ANKS1B: variants seen among roughly 807,000 people sequenced by gnomAD.
ANKS1B encodes ankyrin repeat and sterile alpha motif domain-containing protein 1B.
Under a neutral mutation model 148.3 loss-of-function variants are expected in ANKS1B, and 36 were observed. That is an observed-to-expected ratio of 0.24 (90% CI 0.19 to 0.32). The LOEUF is 0.32. ANKS1B is among the 10% of genes least tolerant of loss of function. The pLI is 1.00. For missense variants in ANKS1B, 1,157 were observed against 1,542.6 expected (o/e 0.75, Z 4.19); for synonymous variants, 542 against 560.8 (o/e 0.97, Z 0.47).
At chr12:99,783,425 T>C (rs1309388024) in intron 4 of ANKS1B, among the ~76,000 whole-genome samples, 1 of 152,166 alleles carries the variant, frequency 6.6e-6, no homozygotes, top group African/African-American at 2.4e-5. Context: ...ATTTGAAGCA[T>C]ATCAAAAATG....
intron 8 of ANKS1B, among the ~76,000 whole-genome samples, chr12:99,690,297 C>A (rs1599761108): frequency 6.6e-6 from 1 of 152,064 alleles, no homozygotes; most frequent in Non-Finnish European, 1.5e-5. Context: ...TATCATTCCA[C>A]CCCTGGCCCC....
At chr12:99,238,471 G>C (rs2088504619) in intron 14 of ANKS1B, among the ~76,000 whole-genome samples, 1 of 152,202 alleles carries the variant, frequency 6.6e-6, no homozygotes, top group South Asian at 2.1e-4. Context: ...TCCACCTCTG[G>C]GGGAAGGGCA....
intron 11 of ANKS1B, among the ~76,000 whole-genome samples, chr12:99,405,624 AAGG>A (rs2094514015): frequency 6.9e-6 from 1 of 145,296 alleles, no homozygotes; most frequent in Non-Finnish European, 1.5e-5. Context: ...GGAAGGAGAG[AAGG>A]AGGAGATCAC....
intron 17 of ANKS1B, among the ~76,000 whole-genome samples, chr12:99,043,561 T>C (rs1196518829): frequency 6.6e-6 from 1 of 152,242 alleles, no homozygotes; most frequent in Non-Finnish European, 1.5e-5. Flanking sequence ...AGAATTTGTG[T>C]GCTTTCTGAG....
intron 9 of ANKS1B, among the ~76,000 whole-genome samples, chr12:99,641,944 T>C (rs2098312037): frequency 1.3e-5 from 2 of 152,176 alleles, no homozygotes; most frequent in Admixed American, 6.5e-5. Flanking sequence ...AAATAGTCCA[T>C]AGGGACTATG....
intron 12 of ANKS1B, among the ~76,000 whole-genome samples, chr12:99,250,428 A>G (rs1307411466): frequency 6.6e-6 from 1 of 152,252 alleles, no homozygotes; most frequent in East Asian, 1.9e-4. Context: ...AAGCATAAAA[A>G]TAAAAATACA....
intron 15 of ANKS1B, among the ~76,000 whole-genome samples, chr12:99,101,463 G>A (rs980362448): frequency 6.6e-6 from 1 of 152,222 alleles, no homozygotes; most frequent in Non-Finnish European, 1.5e-5. Flanking sequence ...GAAGACAAGT[G>A]TTAAGAATAA....
intron 9 of ANKS1B, among the ~76,000 whole-genome samples, chr12:99,653,174 C>T (rs79860803): frequency 0.019 from 2,849 of 151,974 alleles, 85 homozygotes; most frequent in East Asian, 0.066. Flanking sequence ...CAAGGTACTA[C>T]CAAGCCTAAA....
intron 14 of ANKS1B, among the ~76,000 whole-genome samples, chr12:99,200,282 G>T (rs2081920999): frequency 6.6e-6 from 1 of 152,150 alleles, no homozygotes; most frequent in African/African-American, 2.4e-5. Flanking sequence ...ATGATTTTGA[G>T]AAAACATTTC....
intron 8 of ANKS1B, among the ~76,000 whole-genome samples, chr12:99,709,606 A>G (rs1051019048): frequency 6.6e-5 from 10 of 152,102 alleles, no homozygotes; most frequent in African/African-American, 2.4e-4. Context: ...CTAGACCCAC[A>G]TTTTTTGAAA....
At position 99,105,544 on chromosome 12, in the gene ANKS1B, G is replaced by A. The variant is rs547501175; in HGVS notation, c.2527-20521C>T. 4.2e-5 allele frequency among the ~76,000 whole-genome samples: 6 copies of A among 143,634 alleles called. No homozygotes were observed. The East Asian group carries it at 1.1e-3, about 26-fold the overall frequency. The allele number at this position is 143,634 out of a possible 152,430, so 94.2% of individuals were successfully genotyped here. A position where few individuals can be genotyped will look rare whatever the true frequency, so the allele number is the denominator to read the frequency against. ...AATTTTTTGGGAGGCCGAGGCGGGC[G>A]GATCACAAGGTCAGGAGATTGAGAC... On this transcript the variant is annotated intron_variant, in intron 15 of 26. Coordinates refer to ENST00000683438, the MANE Select transcript of ANKS1B (RefSeq NM_001352186.2).
intron 14 of ANKS1B, among the ~76,000 whole-genome samples, chr12:99,168,172 C>T (rs922905302): frequency 3.9e-5 from 6 of 152,158 alleles, no homozygotes; most frequent in Non-Finnish European, 7.4e-5. Flanking sequence ...AAAGGGTACA[C>T]TTTAAATATA....
chr12:99,807,240 T>C lies in ANKS1B; in HGVS notation c.373-540A>G, dbSNP rs994805024. On this transcript the variant is annotated intron_variant, in intron 3 of 26. Coordinates refer to ENST00000683438, the MANE Select transcript of ANKS1B (RefSeq NM_001352186.2). ...ATGAAAAGATTTTGGCCTTAAGATA[T>C]AAAAGTACCTTTTTGAAATGTTATC... Among the ~76,000 whole-genome samples the C allele has an allele frequency of 2.0e-5, 3 of 152,208 alleles. No homozygotes were observed. The South Asian group carries it at 6.2e-4, about 32-fold the overall frequency.
intron 8 of ANKS1B, among the ~76,000 whole-genome samples, chr12:99,663,810 C>T (rs577615593): frequency 6.6e-6 from 1 of 152,212 alleles, no homozygotes; most frequent in South Asian, 2.1e-4. Context: ...TAAGGATAGT[C>T]TTTCTCTTTT....
chr12:99,810,625 G>A (rs2068232737), intron 3 of ANKS1B, among the ~76,000 whole-genome samples: 1 of 151,904 alleles, frequency 6.6e-6, no homozygotes, highest in African/African-American at 2.4e-5. Flanking sequence ...AAAGGACTTT[G>A]AATATGGTCT....
rs1173691129 is a variant in ANKS1B at position 98,745,300 on chromosome 12, G to C, written c.*439C>G. 3 of 984,324 alleles carry C rather than the reference G, an allele frequency of 3.0e-6. No homozygotes were observed. The African/African-American group carries it at 5.3e-5, about 17-fold the overall frequency. 61.0% of individuals were successfully genotyped at this position (984,324 alleles called of 1,614,324 possible). On this transcript the variant is annotated 3_prime_UTR_variant, in exon 27 of 27. Transcript: ENST00000683438. Reference sequence around the variant, plus strand: ...AGATGCTTTGGAGGTGGGAGGGGTAGTGCTGCTCTGATTTCACCTTTAAAA... The same window carrying C: ...AGATGCTTTGGAGGTGGGAGGGGTACTGCTGCTCTGATTTCACCTTTAAAA...
At chr12:98,750,840 G>A (rs2098067458) in intron 26 of ANKS1B, among the ~76,000 whole-genome samples, 1 of 152,254 alleles carries the variant, frequency 6.6e-6, no homozygotes, top group Admixed American at 6.5e-5. Context: ...GCCGCAGGAA[G>A]CCTCAGCTGC....
At chr12:98,756,602 T>C (rs2098250209) in intron 25 of ANKS1B, among the ~76,000 whole-genome samples, 1 of 150,750 alleles carries the variant, frequency 6.6e-6, no homozygotes, top group Admixed American at 6.6e-5. Flanking sequence ...GGCAGGCACC[T>C]GTAATCCCAG....
At chr12:99,599,849 A>C (rs1478065612) in intron 9 of ANKS1B, among the ~76,000 whole-genome samples, 2 of 152,110 alleles carry the variant, frequency 1.3e-5, no homozygotes, top group East Asian at 1.9e-4. Context: ...TCTGGAGTAC[A>C]AAAGGATTTA....
Sources: gnomAD v4.1 joint callset for allele counts (sites outside exome capture counted in the v4.1 genomes callset) on GRCh38, gnomAD v4.1.1 for gene constraint, MANE v1.5 for transcripts, NCBI Gene and HGNC (gene_info 2026-07-23, HGNC 2026-07-21) for gene names.